DSCAM: variants seen among roughly 807,000 people sequenced by gnomAD.
DSCAM encodes the protein DS cell adhesion molecule, also known as cell adhesion molecule DSCAM.
In DSCAM, 47 loss-of-function variants were observed where a neutral mutation model predicts 217.7. The observed-to-expected ratio is 0.22, with a 90% confidence interval of 0.17 to 0.28. DSCAM has a LOEUF of 0.28. Ranked by LOEUF, DSCAM falls within the 10% of genes least tolerant of loss-of-function variation. The pLI is 1.00. For synonymous variants in DSCAM, 1,056 were observed against 1,015.3 expected (o/e 1.04, Z -0.76); for missense variants, 2,080 against 2,618.3 (o/e 0.79, Z 4.49).
At chr21:40,599,886 C>T (rs967538132) in intron 3 of DSCAM, among the ~76,000 whole-genome samples, 4 of 152,154 alleles carry the variant, frequency 2.6e-5, no homozygotes, top group African/African-American at 9.7e-5. Context: ...GACACATACA[C>T]CCTCCCAAGA....
intron 3 of DSCAM, among the ~76,000 whole-genome samples, chr21:40,657,260 T>C (rs1047665862): frequency 6.6e-6 from 1 of 152,206 alleles, no homozygotes; most frequent in African/African-American, 2.4e-5. Flanking sequence ...TGTATATTCA[T>C]GGGCAGGCAT....
At chr21:40,751,217 C>T (rs970980511) in intron 1 of DSCAM, among the ~76,000 whole-genome samples, 2 of 152,156 alleles carry the variant, frequency 1.3e-5, no homozygotes, top group African/African-American at 2.4e-5. Flanking sequence ...CCCTTCTCAG[C>T]GAGACCGACT....
chr21:40,671,775 CATGGAAACCGT>C (rs2090278862), intron 3 of DSCAM, among the ~76,000 whole-genome samples: 1 of 149,020 alleles, frequency 6.7e-6, no homozygotes, highest in Non-Finnish European at 1.5e-5. Context: ...CATTAGACTA[CATGGAAACCGT>C]ATGGAAATTG....
intron 20 of DSCAM, among the ~76,000 whole-genome samples, chr21:40,098,818 C>T (rs927306874): frequency 5.3e-5 from 8 of 152,122 alleles, no homozygotes; most frequent in Non-Finnish European, 1.5e-5. Context: ...CTAGATACAT[C>T]ACTATAATCT....
rs113728685 is a variant in DSCAM at position 40,578,658 on chromosome 21, A to T, written c.508+114152T>A. Reference sequence around the variant, plus strand: ...GCTCTTCACAATAAATCTTGCTGCCACTCACTTTTTGGGTCCACACTACCT... The same window carrying T: ...GCTCTTCACAATAAATCTTGCTGCCTCTCACTTTTTGGGTCCACACTACCT... On this transcript the variant is annotated intron_variant, in intron 3 of 32. Transcript: ENST00000400454. Among the ~76,000 whole-genome samples the T allele has an allele frequency of 6.1e-3, 923 of 152,228 alleles. 8 individuals are homozygous for T. Among genetic ancestry groups the T allele is most frequent in the Non-Finnish European group, 7.6e-3 (519 of 68,010 alleles).
intron 20 of DSCAM, among the ~76,000 whole-genome samples, chr21:40,122,322 A>G (rs1240297650): frequency 6.6e-6 from 1 of 152,160 alleles, no homozygotes; most frequent in African/African-American, 2.4e-5. Context: ...GATTGAGAAG[A>G]CAAAACGAGA....
intron 11 of DSCAM, among the ~76,000 whole-genome samples, chr21:40,269,264 T>C (rs965180644): frequency 1.3e-5 from 2 of 152,192 alleles, no homozygotes; most frequent in Non-Finnish European, 2.9e-5. Context: ...TAAACCTCTT[T>C]TGCAGAGTCC....
At chr21:40,568,956 G>A (rs2076785618) in intron 3 of DSCAM, among the ~76,000 whole-genome samples, 1 of 152,156 alleles carries the variant, frequency 6.6e-6, no homozygotes, top group Non-Finnish European at 1.5e-5. Context: ...CAGGTGCTGG[G>A]CAGCTGGCTG....
intron 32 of DSCAM, among the ~76,000 whole-genome samples, chr21:40,028,972 C>G (rs2088460949): frequency 6.6e-6 from 1 of 151,618 alleles, no homozygotes; most frequent in Non-Finnish European, 1.5e-5. Context: ...AATTTTAATG[C>G]TACCTGAATT....
intron 9 of DSCAM, among the ~76,000 whole-genome samples, chr21:40,306,878 A>T (rs948430938): frequency 2.0e-5 from 3 of 151,926 alleles, no homozygotes; most frequent in African/African-American, 7.3e-5. Flanking sequence ...ATCAATGTTC[A>T]TCAAGGATAT....
chr21:40,573,265 G>A (rs1413426412), intron 3 of DSCAM, among the ~76,000 whole-genome samples: 1 of 152,114 alleles, frequency 6.6e-6, no homozygotes, highest in Non-Finnish European at 1.5e-5. Flanking sequence ...GTGAACCCGG[G>A]AGGTGGAGCT....
intron 9 of DSCAM, among the ~76,000 whole-genome samples, chr21:40,307,123 AACT>A (rs1206677739): frequency 2.0e-5 from 3 of 152,132 alleles, no homozygotes; most frequent in Non-Finnish European, 4.4e-5. Context: ...CAGCAAAAGA[AACT>A]ACTATCAGAG....
intron 3 of DSCAM, among the ~76,000 whole-genome samples, chr21:40,532,973 G>A (rs1384909974): frequency 2.0e-5 from 3 of 152,086 alleles, no homozygotes; most frequent in Admixed American, 6.6e-5. Context: ...AGGGACCACC[G>A]TGACAGCCTC....
intron 1 of DSCAM, among the ~76,000 whole-genome samples, chr21:40,802,379 G>A (rs2091749421): frequency 1.3e-5 from 2 of 152,160 alleles, no homozygotes; most frequent in African/African-American, 4.8e-5. Flanking sequence ...ATGAGACTGT[G>A]GACTTTCGAC....
At chr21:40,376,594 C>CTATATATCTTATATA (rs2074960541) in intron 3 of DSCAM, among the ~76,000 whole-genome samples, 3 of 108,738 alleles carry the variant, frequency 2.8e-5, no homozygotes, top group Admixed American at 9.3e-5. Context: ...TATCTTATAT[C>CTATATATCTTATATA]GATATCTATA....
chr21:40,152,255 C>T (rs192871014), intron 16 of DSCAM, among the ~76,000 whole-genome samples: 35 of 152,270 alleles, frequency 2.3e-4, no homozygotes, highest in African/African-American at 7.2e-4. Context: ...TCCTTGAGGA[C>T]GTATTTACAA....
chr21:40,640,788 T>C (rs1408733385), intron 3 of DSCAM, among the ~76,000 whole-genome samples: 1 of 151,878 alleles, frequency 6.6e-6, no homozygotes, highest in African/African-American at 2.4e-5. Flanking sequence ...GAAAAGGAAC[T>C]ACAGAATCAA....
At chr21:40,683,174 T>C (rs1001462794) in intron 3 of DSCAM, among the ~76,000 whole-genome samples, 1 of 152,174 alleles carries the variant, frequency 6.6e-6, no homozygotes, top group Non-Finnish European at 1.5e-5. Context: ...ATATTTTGTT[T>C]TGGCGTCCAG....
chr21:40,322,323 A>G (rs1175077963), intron 8 of DSCAM, among the ~76,000 whole-genome samples: 1 of 152,176 alleles, frequency 6.6e-6, no homozygotes, highest in Non-Finnish European at 1.5e-5. Flanking sequence ...CAGCAGACGC[A>G]CAAGTATTAC....
Sources: gnomAD v4.1 joint callset for allele counts (sites outside exome capture counted in the v4.1 genomes callset) on GRCh38, gnomAD v4.1.1 for gene constraint, MANE v1.5 for transcripts, NCBI Gene and HGNC (gene_info 2026-07-23, HGNC 2026-07-21) for gene names.